Variants in PIGG observed in about 807,000 individuals in gnomAD.
PIGG encodes GPI ethanolamine phosphate transferase 2, catalytic subunit.
A neutral mutation model predicts 83.2 loss-of-function variants in PIGG; 70 were observed. The ratio of observed to expected loss-of-function variants is 0.84; its 90% CI spans 0.69 to 1.03. The LOEUF (loss-of-function observed/expected upper bound fraction) is 1.03, where lower values mean the gene tolerates loss of function less well. Ranked by LOEUF, PIGG falls within the 50% of genes least tolerant of loss-of-function variation. PIGG has a pLI of 0.00. For synonymous variants in PIGG, 532 were observed against 519.5 expected (o/e 1.02, Z -0.33); for missense variants, 1,257 against 1,233.6 (o/e 1.02, Z -0.28).
At chr4:537,767 G>A (rs919783434) in intron 12 of PIGG, among the ~76,000 whole-genome samples, 1 of 152,224 alleles carries the variant, frequency 6.6e-6, no homozygotes, top group African/African-American at 2.4e-5. Flanking sequence ...GCCAAGAGGA[G>A]GATGGGCCCC....
At chr4:520,530 G>A (rs759030010) in intron 6 of PIGG, among the ~76,000 whole-genome samples, 2 of 152,242 alleles carry the variant, frequency 1.3e-5, no homozygotes, top group African/African-American at 4.8e-5. Context: ...GCAGAACGGG[G>A]GACGTTAGAG....
At chr4:535,731 C>T (rs1209928854) in intron 12 of PIGG, among the ~76,000 whole-genome samples, 3 of 152,180 alleles carry the variant, frequency 2.0e-5, no homozygotes, top group South Asian at 2.1e-4. Context: ...GCCGGCGACT[C>T]CACAGAGCAT....
At position 528,695 on chromosome 4, in the gene PIGG, G is replaced by C. The variant is rs908644449; in HGVS notation, c.2261+1465G>C. The C allele has an allele frequency of 9.1e-5, 90 of 985,260 alleles. No homozygotes were observed. Among genetic ancestry groups the C allele is most frequent in the Non-Finnish European group, 1.1e-4 (90 of 829,820 alleles). The allele number at this position is 985,260 out of a possible 1,614,324, so 61.0% of individuals were successfully genotyped here. A position where few individuals can be genotyped will look rare whatever the true frequency, so the allele number is the denominator to read the frequency against. On this transcript the variant is annotated intron_variant, in intron 10 of 12. Coordinates refer to ENST00000453061, the MANE Select transcript of PIGG (RefSeq NM_001127178.3). The surrounding 1 kb of genome is among the most constrained non-coding windows in gnomAD (Gnocchi z 4.8). ...TGCGGGTGTGTGTTTAAGGTGCAGC[G>C]TATGAATAAATTCATTTCCTCACAG...
intron 8 of PIGG, chr4:522,276 C>G (rs894920223): frequency 9.1e-6 from 5 of 551,930 alleles, no homozygotes; most frequent in Non-Finnish European, 1.6e-5. Flanking sequence ...GTGAATCGGA[C>G]AGCCTCCCAG....
rs1723413465 is a variant in PIGG at position 515,173 on chromosome 4, GTCCC to G, written c.902-798_902-795del. Among the ~76,000 whole-genome samples, 1 of 152,236 alleles carries G rather than the reference GTCCC, an allele frequency of 6.6e-6. No homozygotes were observed. Among genetic ancestry groups the G allele is most frequent in the Non-Finnish European group, 1.5e-5 (1 of 68,040 alleles). On this transcript the variant is annotated intron_variant, in intron 5 of 12. Transcript: ENST00000453061. This position sits in a 1 kb window ranked among gnomAD's most constrained non-coding sequence, Gnocchi z 4.2. Reference sequence around the variant, plus strand: ...CACGCACCACCTATCCTGAGTAGCCGTCCCTGTGGCCTCTTGGCGCCCTGCCGGT... The same window carrying G: ...CACGCACCACCTATCCTGAGTAGCCGTGTGGCCTCTTGGCGCCCTGCCGGT...
At chr4:501,373 A>G (rs1553875850) in intron 2 of PIGG, among the ~76,000 whole-genome samples, 1 of 152,238 alleles carries the variant, frequency 6.6e-6, no homozygotes, top group Non-Finnish European at 1.5e-5. Flanking sequence ...ACAGGATGTG[A>G]TGATTAGTGG....
intron 2 of PIGG, chr4:502,222 G>A (rs782618801): frequency 4.6e-5 from 7 of 152,222 alleles, no homozygotes; most frequent in Non-Finnish European, 1.0e-4. Flanking sequence ...TCTGTCTCCA[G>A]CTTATTGGTT....
At chr4:501,240 ATTGGGG>A in intron 2 of PIGG, 1 of 431,498 alleles carries the variant, frequency 2.3e-6, no homozygotes, top group South Asian at 1.7e-5. Context: ...TGGGTATGCA[ATTGGGG>A]AAAAAATAGT....
intron 8 of PIGG, chr4:522,218 A>G (rs375834128): frequency 1.7e-6 from 1 of 594,940 alleles, no homozygotes; most frequent in East Asian, 2.8e-5. Context: ...AGGTGATTGT[A>G]AAGAGCTGGC....
At chr4:503,213 C>G (rs185719714) in intron 2 of PIGG, among the ~76,000 whole-genome samples, 26 of 152,284 alleles carry the variant, frequency 1.7e-4, no homozygotes, top group African/African-American at 5.8e-4. Context: ...CTGCCACCAC[C>G]GTCGTCCAGG....
intron 6 of PIGG, among the ~76,000 whole-genome samples, chr4:517,818 C>G (rs1222385350): frequency 6.6e-6 from 1 of 152,134 alleles, no homozygotes; most frequent in Non-Finnish European, 1.5e-5. Context: ...ACGTTTGTCT[C>G]CCTGGGATGT....
chr4:519,519 G>A (rs555680274), intron 6 of PIGG, among the ~76,000 whole-genome samples: 1 of 152,338 alleles, frequency 6.6e-6, no homozygotes, highest in Admixed American at 6.5e-5. Flanking sequence ...TTACCCACTG[G>A]CACTGTGGCC....
At chr4:535,921 CCT>C (rs1402124809) in intron 12 of PIGG, among the ~76,000 whole-genome samples, 1 of 152,224 alleles carries the variant, frequency 6.6e-6, no homozygotes, top group Non-Finnish European at 1.5e-5. Flanking sequence ...TGCCCAGCCC[CCT>C]GTCGACATTC....
rs1553874182 is a variant in PIGG, at chr4:499,457, G to T, written c.122G>T (p.Gly41Val). The T allele has an allele frequency of 6.2e-7, 1 of 1,602,798 alleles. No homozygotes were observed. The change falls in exon 1 of 13, where the codon GGA (glycine) becomes GTA (valine). Residue 41 changes from glycine to valine, a missense_variant. Transcript: ENST00000453061. ...PVRSSARAEH[G>V]AEPPAPEPSA... is the part of the protein sequence containing the mutation. ...CGTTCCTCTGCCAGAGCGGAACACG[G>T]AGCGGAGCCCCCAGCGCCCGAACCC... is the stretch of plus-strand genomic sequence containing the variant.
At chr4:529,928 G>A (rs960516018) in intron 10 of PIGG, among the ~76,000 whole-genome samples, 15 of 152,328 alleles carry the variant, frequency 9.8e-5, no homozygotes, top group African/African-American at 1.2e-4. Context: ...CACTGCACGC[G>A]TGTGTGCCTG....
intron 10 of PIGG, among the ~76,000 whole-genome samples, chr4:529,899 G>A (rs1458325194): frequency 1.3e-5 from 2 of 152,216 alleles, no homozygotes; most frequent in Non-Finnish European, 1.5e-5. Context: ...CTCAGAGCCC[G>A]CGGGTTGGAT....
Position 499,481 on chromosome 4 carries a change from C to G in PIGG, c.146C>G (p.Pro49Arg). 2.5e-6 allele frequency: 4 copies of G among 1,597,652 alleles called. No homozygotes were observed. Among genetic ancestry groups the G allele is most frequent in the Non-Finnish European group, 3.4e-6 (4 of 1,178,402 alleles). The change falls in exon 1 of 13, where the codon CCC (proline) becomes CGC (arginine). Residue 49 changes from proline (P) to arginine (R), a missense_variant. Physicochemically the swap from Pro to Arg is moderately radical, Grantham distance 103. Transcript: ENST00000453061. ...EHGAEPPAPE[P>R]SAGASSNWTT... ...GGAGCGGAGCCCCCAGCGCCCGAACCCTCGGCTGGTACGGACCCCTCCCCG... is the reference window on the plus strand; with the variant it reads ...GGAGCGGAGCCCCCAGCGCCCGAACGCTCGGCTGGTACGGACCCCTCCCCG...
rs376095352 is a variant in PIGG, at chr4:521,758, T to G, written c.1431T>G (p.Tyr477Ter). Residue 477 changes from tyrosine to a stop codon, truncating the protein, a stop_gained, in exon 8 of 13, where the codon TAT becomes TAG. Transcript: ENST00000453061. LOFTEE classifies it high-confidence loss of function. ...LSSPGFSLLF[Y>*]LVILVLSAVH... ...CTCCTGGGTTTTCTCTGCTCTTTTA[T>G]TTGGTGATCCTGGTTCTTTCGGCCG... The G allele has an allele frequency of 6.2e-7, 1 of 1,614,094 alleles. No individual in the cohort carries two copies. Among genetic ancestry groups the G allele is most frequent in the African/African-American group, 1.3e-5 (1 of 74,940 alleles).
chr4:522,006 A>C, intron 8 of PIGG, 65 bp downstream of exon 8: 1 of 1,567,422 alleles, frequency 6.4e-7, no homozygotes, highest in Non-Finnish European at 8.8e-7. Context: ...TTGTTATTTC[A>C]GGCTGCCTTT....
Sources: allele counts gnomAD v4.1 joint callset (sites outside exome capture counted in the v4.1 genomes callset), GRCh38; gene constraint gnomAD v4.1.1; non-coding constraint Gnocchi (gnomAD v3.1); transcripts MANE v1.5; gene names NCBI Gene and HGNC (gene_info 2026-07-23, HGNC 2026-07-21).